The following FRMD4A variants were observed in gnomAD, a reference collection of about 807,000 sequenced individuals.
The protein encoded by FRMD4A is FERM domain containing 4A.
Under a neutral mutation model 129.1 loss-of-function variants are expected in FRMD4A, and 29 were observed. The observed-to-expected ratio is 0.22, with a 90% CI of 0.17 to 0.31. The LOEUF (loss-of-function observed/expected upper bound fraction) is 0.31, where lower values mean the gene tolerates loss of function less well. Ranked by LOEUF, FRMD4A falls within the 10% of genes least tolerant of loss-of-function variation. The pLI is 1.00. For missense variants in FRMD4A, 1,272 were observed against 1,375.8 expected, an observed-to-expected ratio of 0.92 and a Z score of 1.19; for synonymous variants, 634 against 571.6, an observed-to-expected ratio of 1.11 and a Z score of -1.56.
At chr10:13,890,085 G>C (rs1156398691) in intron 2 of FRMD4A, among the ~76,000 whole-genome samples, 2 of 152,188 alleles carry the variant, frequency 1.3e-5, no homozygotes, top group African/African-American at 2.4e-5. Flanking sequence ...GGTTGCAAGA[G>C]ACAAGTAACA....
At chr10:14,070,484 AGGTAAAAT>A (rs1835267899) in intron 2 of FRMD4A, among the ~76,000 whole-genome samples, 1 of 152,152 alleles carries the variant, frequency 6.6e-6, no homozygotes, top group Non-Finnish European at 1.5e-5. Context: ...AATTGAATGG[AGGTAAAAT>A]GACCAAGGAA....
At chr10:13,717,712 C>CG (rs2088970070) in intron 12 of FRMD4A, among the ~76,000 whole-genome samples, 1 of 68,046 alleles carries the variant, frequency 1.5e-5, no homozygotes. Context: ...TTTTTTTTTC[C>CG]AGGGGTGGCG....
intron 8 of FRMD4A, among the ~76,000 whole-genome samples, chr10:13,760,934 C>T (rs2092047044): frequency 6.7e-6 from 1 of 149,982 alleles, no homozygotes. Flanking sequence ...TATCTTTGAG[C>T]AGATAGTCCT....
At chr10:14,262,683 T>C (rs924461499) in intron 2 of FRMD4A, among the ~76,000 whole-genome samples, 1 of 152,132 alleles carries the variant, frequency 6.6e-6, no homozygotes, top group Non-Finnish European at 1.5e-5. Context: ...ATGAGCTTCT[T>C]TTCTTCTTGC....
chr10:14,026,418 G>T (rs1248882510), intron 2 of FRMD4A, among the ~76,000 whole-genome samples: 2 of 152,188 alleles, frequency 1.3e-5, no homozygotes, highest in African/African-American at 4.8e-5. Context: ...GATGAGTTTA[G>T]CTTGACAGTG....
intron 2 of FRMD4A, among the ~76,000 whole-genome samples, chr10:14,096,119 T>C (rs1225420314): frequency 6.6e-6 from 1 of 152,136 alleles, no homozygotes; most frequent in Non-Finnish European, 1.5e-5. Context: ...AACACGTGGG[T>C]ATTAAGAAGT....
chr10:14,264,689 C>T (rs1432382712), intron 2 of FRMD4A, among the ~76,000 whole-genome samples: 1 of 152,112 alleles, frequency 6.6e-6, no homozygotes, highest in African/African-American at 2.4e-5. Context: ...TCCCTTTGAC[C>T]CTAACTTTTG....
At chr10:14,131,555 G>T (rs1266430459) in intron 2 of FRMD4A, among the ~76,000 whole-genome samples, 1 of 152,170 alleles carries the variant, frequency 6.6e-6, no homozygotes, top group African/African-American at 2.4e-5. Context: ...TTAGTTAAGT[G>T]CCTGTGGCTC....
intron 4 of FRMD4A, among the ~76,000 whole-genome samples, chr10:13,804,911 A>T (rs989539420): frequency 1.3e-5 from 2 of 152,018 alleles, no homozygotes; most frequent in African/African-American, 4.8e-5. Flanking sequence ...GACAGCACCA[A>T]TCAGGCAATT....
intron 2 of FRMD4A, among the ~76,000 whole-genome samples, chr10:14,058,293 C>CT (rs922684170): frequency 3.3e-5 from 5 of 152,172 alleles, no homozygotes; most frequent in African/African-American, 1.2e-4. Flanking sequence ...ACACCTATTG[C>CT]TTTTTTTCAA....
intron 2 of FRMD4A, among the ~76,000 whole-genome samples, chr10:14,063,060 T>A (rs11258846): frequency 1.3e-5 from 2 of 152,060 alleles, no homozygotes; most frequent in African/African-American, 4.8e-5. Context: ...TTACACAACT[T>A]AGCTATGACT....
At chr10:13,717,493 T>G (rs1327945565) in intron 12 of FRMD4A, among the ~76,000 whole-genome samples, 1 of 152,060 alleles carries the variant, frequency 6.6e-6, no homozygotes, top group Non-Finnish European at 1.5e-5. Flanking sequence ...TTTGTATTTT[T>G]AGTAGAGATG....
chr10:13,919,893 G>C (rs2095052412), intron 2 of FRMD4A, among the ~76,000 whole-genome samples: 1 of 152,116 alleles, frequency 6.6e-6, no homozygotes, highest in Non-Finnish European at 1.5e-5. Context: ...AGCTGAGATT[G>C]CACCACTGCA....
intron 13 of FRMD4A, among the ~76,000 whole-genome samples, chr10:13,703,738 C>T (rs1264031756): frequency 6.6e-6 from 1 of 152,186 alleles, no homozygotes; most frequent in Non-Finnish European, 1.5e-5. Flanking sequence ...GAAGAGAGGA[C>T]TTGCAATGAT....
intron 2 of FRMD4A, among the ~76,000 whole-genome samples, chr10:14,161,236 G>A (rs568060942): frequency 2.0e-5 from 3 of 152,170 alleles, no homozygotes; most frequent in African/African-American, 4.8e-5. Flanking sequence ...GATTACAGGC[G>A]TGAACCACCA....
In FRMD4A at chr10:14,215,761, A is replaced by C. The variant is rs1449550306; in HGVS notation, c.45+114297T>G. Among the ~76,000 whole-genome samples the C allele has an allele frequency of 2.0e-5, 3 of 152,146 alleles. No homozygotes were observed. The East Asian group carries it at 5.8e-4, about 29-fold the overall frequency. On this transcript the variant is annotated intron_variant, in intron 2 of 24. Transcript: ENST00000357447. ...ATATGAGCGAAGGTCTACATTAACT[A>C]ATCAGTCAGTTAACTCACCAAGTTT...
At chr10:14,185,548 A>G (rs751908545) in intron 2 of FRMD4A, among the ~76,000 whole-genome samples, 84 of 152,346 alleles carry the variant, frequency 5.5e-4, no homozygotes, top group African/African-American at 1.7e-3. Context: ...CTTGAAACAT[A>G]AAGCAAGACT....
At chr10:13,983,307 T>C (rs1238475337) in intron 2 of FRMD4A, among the ~76,000 whole-genome samples, 2 of 152,052 alleles carry the variant, frequency 1.3e-5, no homozygotes, top group Admixed American at 6.6e-5. Context: ...CATCCTCCCC[T>C]GAGCCGAGGC....
intron 2 of FRMD4A, chr10:13,971,950 T>C: frequency 8.3e-7 from 1 of 1,211,016 alleles, no homozygotes; most frequent in Admixed American, 2.9e-5. Context: ...CTGACTCTCC[T>C]CCCCCTACCT....
Sources: gnomAD v4.1 joint callset for allele counts (sites outside exome capture counted in the v4.1 genomes callset) on GRCh38, gnomAD v4.1.1 for gene constraint, MANE v1.5 for transcripts, NCBI Gene and HGNC (gene_info 2026-07-23, HGNC 2026-07-21) for gene names.